Variants in PPP1R12A observed in about 807,000 individuals in gnomAD.
PPP1R12A encodes protein phosphatase 1 regulatory subunit 12A, also known as myosin binding subunit.
A neutral mutation model predicts 139.6 loss-of-function variants in PPP1R12A; 19 were observed. That is an observed-to-expected ratio of 0.14 (90% CI 0.09 to 0.20). The LOEUF (loss-of-function observed/expected upper bound fraction) is 0.20. PPP1R12A is among the 10% of genes least tolerant of loss of function. The probability of loss-of-function intolerance (pLI) is 1.00; values close to 1 mark genes in which losing one functional copy is unlikely to be tolerated. For synonymous variants in PPP1R12A, 427 were observed against 420.6 expected (o/e 1.02, Z -0.19); for missense variants, 925 against 1,211.5 (o/e 0.76, Z 3.51).
At chr12:79,795,818 G>A in intron 17 of PPP1R12A, 59 bp from the exon 18 acceptor site, 2 of 1,548,750 alleles carry the variant, frequency 1.3e-6, no homozygotes, top group Non-Finnish European at 1.8e-6. Context: ...ATTTTGCAAG[G>A]TAATTGTAAA....
chr12:79,889,156 G>C (rs1884372322), intron 1 of PPP1R12A, among the ~76,000 whole-genome samples: 1 of 152,176 alleles, frequency 6.6e-6, no homozygotes, highest in African/African-American at 2.4e-5. Context: ...TCTGACCAAT[G>C]TGATATATTT....
chr12:79,820,925 C>T lies in PPP1R12A; in HGVS notation c.963G>A (p.Glu321=). 1 of 1,613,122 alleles carries T rather than the reference C, an allele frequency of 6.2e-7. No homozygotes were observed. Among genetic ancestry groups the T allele is most frequent in the Non-Finnish European group, 8.5e-7 (1 of 1,179,666 alleles). ...NQSQKTFKNK[E]TLIIEPEKNA... ...TTTTCTCTGGTTCAATAATCAACGT[C>T]TCTTTGCTGTTAAAGGAAAACAGTG... is the stretch of plus-strand genomic sequence containing the variant. Residue 321 remains glutamate (E), a synonymous_variant, in exon 8 of 25, where the codon GAG becomes GAA. Transcript: ENST00000450142.
rs78824540 is a variant in PPP1R12A, at chr12:79,860,136, C to A, written c.368+12672G>T. Among the ~76,000 whole-genome samples, 411 of 152,176 alleles carry A rather than the reference C, an allele frequency of 2.7e-3. 2 individuals carry two copies. The highest frequency in any genetic ancestry group is 9.6e-3 in the African/African-American group (397 of 41,504). On this transcript the variant is annotated intron_variant, in intron 2 of 24. Coordinates refer to ENST00000450142, the MANE Select transcript of PPP1R12A (RefSeq NM_002480.3). ...TAAAGCTATTCAAGATAAAAGCATG[C>A]CTTAAGTATTTGTAGTGGAAGCCTA...
chr12:79,814,259 C>T (rs139449136), intron 9 of PPP1R12A, among the ~76,000 whole-genome samples: 8,275 of 150,994 alleles, frequency 0.055, 524 homozygotes, highest in East Asian at 0.3. Context: ...GGGTGGATCA[C>T]GAGGTCAGGA....
At chr12:79,868,337 A>G (rs990453225) in intron 2 of PPP1R12A, among the ~76,000 whole-genome samples, 1 of 152,156 alleles carries the variant, frequency 6.6e-6, no homozygotes, top group African/African-American at 2.4e-5. Flanking sequence ...TTCATTTTTG[A>G]TCCATAGCCA....
intron 9 of PPP1R12A, among the ~76,000 whole-genome samples, chr12:79,811,905 A>AT (rs765837282): frequency 2.5e-4 from 38 of 152,210 alleles, no homozygotes; most frequent in Non-Finnish European, 5.3e-4. Context: ...TTCCCCCATT[A>AT]TAAAACAGCC....
At chr12:79,850,581 G>A (rs1164614348) in intron 2 of PPP1R12A, among the ~76,000 whole-genome samples, 1 of 152,172 alleles carries the variant, frequency 6.6e-6, no homozygotes, top group Non-Finnish European at 1.5e-5. Context: ...ATCAGCAAGA[G>A]CTAAATATAT....
intron 10 of PPP1R12A, 49 bp downstream of exon 10, chr12:79,809,746 A>G: frequency 6.9e-7 from 1 of 1,442,304 alleles, no homozygotes; most frequent in Non-Finnish European, 9.5e-7. Context: ...TGTTCCTGGA[A>G]AAGAAATCAT....
chr12:79,838,328 G>A (rs1878325946), intron 3 of PPP1R12A, among the ~76,000 whole-genome samples: 1 of 152,220 alleles, frequency 6.6e-6, no homozygotes, highest in Non-Finnish European at 1.5e-5. Context: ...TGTTCAAAAG[G>A]AAGCAGAGCA....
intron 4 of PPP1R12A, among the ~76,000 whole-genome samples, chr12:79,830,969 T>A (rs1310774279): frequency 1.3e-5 from 2 of 151,962 alleles, no homozygotes; most frequent in Non-Finnish European, 2.9e-5. Flanking sequence ...TTTATCCTGA[T>A]CCCCCCTAAG....
Position 79,806,228 on chromosome 12 carries a change from A to G in PPP1R12A, c.1761T>C (p.Leu587=), listed in dbSNP as rs779407922. The stretch of plus-strand genomic sequence containing the variant: ...TCTTTGTAGTAGTGCTTGTGCTGGA[A>G]AGCAGGCTTTTCTGAAGCCCAGCTG... The part of the protein sequence containing the change: ...TSAAGLQKSL[L]SSTSTTTKIT... Residue 587 remains leucine, a synonymous_variant, in exon 13 of 25, where the codon CTT becomes CTC. Coordinates refer to ENST00000450142, the MANE Select transcript of PPP1R12A (RefSeq NM_002480.3). 1 of 1,613,962 alleles carries G rather than the reference A, an allele frequency of 6.2e-7. No homozygotes were observed. Among genetic ancestry groups the G allele is most frequent in the Non-Finnish European group, 8.5e-7 (1 of 1,179,840 alleles).
intron 3 of PPP1R12A, among the ~76,000 whole-genome samples, chr12:79,839,729 G>T (rs1327475334): frequency 1.3e-5 from 2 of 151,990 alleles, no homozygotes; most frequent in Non-Finnish European, 1.5e-5. Context: ...CTGCATGATT[G>T]TAAGTTTCCT....
chr12:79,911,919 AT>A (rs1343846418), intron 1 of PPP1R12A, among the ~76,000 whole-genome samples: 2 of 152,180 alleles, frequency 1.3e-5, no homozygotes, highest in Non-Finnish European at 2.9e-5. Context: ...ACTTTAATGC[AT>A]TTCTAGGGTT....
chr12:79,932,797 C>T (rs995390992), intron 1 of PPP1R12A, among the ~76,000 whole-genome samples: 9 of 152,298 alleles, frequency 5.9e-5, no homozygotes, highest in Non-Finnish European at 1.3e-4. Context: ...AAACCAGTAT[C>T]ACAATAATGT....
intron 24 of PPP1R12A, chr12:79,777,233 G>A: frequency 1.1e-6 from 1 of 943,752 alleles, no homozygotes; most frequent in African/African-American, 1.8e-5. Context: ...CATATTTTAA[G>A]TCCTAAAATA....
At chr12:79,929,960 G>A (rs188329948) in intron 1 of PPP1R12A, among the ~76,000 whole-genome samples, 295 of 152,128 alleles carry the variant, frequency 1.9e-3, no homozygotes, top group Non-Finnish European at 2.7e-3. Flanking sequence ...CTATTGATGA[G>A]GTAAAAAGAT....
Position 79,934,782 on chromosome 12 carries a change from G to A in PPP1R12A, c.150C>T (p.Ser50=), listed in dbSNP as rs1172362136. 1.3e-6 allele frequency: 2 copies of A among 1,558,784 alleles called. No individual in the cohort carries two copies. Among genetic ancestry groups the A allele is most frequent in the Non-Finnish European group, 1.7e-6 (2 of 1,151,324 alleles). The stretch of plus-strand genomic sequence containing the variant: ...GCTTGAGGACCTCGTCCGTGTCGCC[G>A]CTGGAGCAAGCAGCCAGGAAGACGG... The part of the protein sequence containing the change: ...DGAVFLAACS[S]GDTDEVLKLL... The change falls in exon 1 of 25, where the codon AGC becomes AGT. Residue 50 remains serine, a synonymous_variant. Transcript: ENST00000450142.
intron 1 of PPP1R12A, among the ~76,000 whole-genome samples, chr12:79,873,496 TAA>T (rs35604870): frequency 1.5e-5 from 2 of 134,782 alleles, no homozygotes; most frequent in African/African-American, 2.8e-5. Flanking sequence ...ACTCATAATT[TAA>T]AAAAAAAAAA....
intron 1 of PPP1R12A, among the ~76,000 whole-genome samples, chr12:79,933,864 G>GA (rs1022796877): frequency 5.3e-5 from 8 of 152,252 alleles, no homozygotes; most frequent in Admixed American, 5.2e-4. Flanking sequence ...AACCCCAAAA[G>GA]AAAAACCAGA....
Sources: allele counts gnomAD v4.1 joint callset (sites outside exome capture counted in the v4.1 genomes callset), GRCh38; gene constraint gnomAD v4.1.1; transcripts MANE v1.5; gene names NCBI Gene and HGNC (gene_info 2026-07-23, HGNC 2026-07-21).